The following LGSN variants were observed in gnomAD, a reference collection of about 807,000 sequenced individuals.
LGSN encodes lengsin, lens protein with glutamine synthetase domain.
LGSN carries 21 observed loss-of-function variants against 19.5 expected under a neutral mutation model. The observed-to-expected ratio is 1.07, with a 90% CI of 0.76 to 1.55. The LOEUF (loss-of-function observed/expected upper bound fraction) is 1.55. LGSN is among the 40% of genes most tolerant of loss of function. The pLI is 0.00. For missense variants in LGSN, 673 were observed against 608.5 expected, an observed-to-expected ratio of 1.11 and a Z score of -1.12; for synonymous variants, 257 against 215.6, an observed-to-expected ratio of 1.19 and a Z score of -1.68.
chr6:63,461,787 T>C, the LGSN span, among the ~76,000 whole-genome samples: 2 of 152,364 alleles, frequency 1.3e-5, no homozygotes, highest in East Asian at 3.9e-4. Context: ...AATGTGTTGC[T>C]TCCTAAACAT....
intron 1 of LGSN, among the ~76,000 whole-genome samples, chr6:63,307,061 C>T (rs1261363678): frequency 1.3e-5 from 2 of 152,098 alleles, no homozygotes; most frequent in Non-Finnish European, 2.9e-5. Flanking sequence ...TTTTCCCCAA[C>T]AGTGGTATCT....
chr6:63,424,669 T>C, the LGSN span, among the ~76,000 whole-genome samples: 2 of 152,282 alleles, frequency 1.3e-5, no homozygotes, highest in South Asian at 4.1e-4. Flanking sequence ...ACACTTGTAA[T>C]TCCAGAACTT....
chr6:63,407,511 G>A, the LGSN span, among the ~76,000 whole-genome samples: 2,598 of 152,194 alleles, frequency 0.017, 76 homozygotes, highest in African/African-American at 0.059. Context: ...AATAAATTCG[G>A]TATTGATGGG....
At chr6:63,374,626 A>C in the LGSN span, among the ~76,000 whole-genome samples, 1 of 152,234 alleles carries the variant, frequency 6.6e-6, no homozygotes, top group East Asian at 1.9e-4. Context: ...ACTGTAACAA[A>C]TTAACACAAA....
chr6:63,498,803 C>T, the LGSN span, among the ~76,000 whole-genome samples: 1 of 152,124 alleles, frequency 6.6e-6, no homozygotes, highest in African/African-American at 2.4e-5. Context: ...GGAAACTCTT[C>T]CCAACAATGA....
the LGSN span, chr6:63,573,547 G>C: frequency 2.0e-5 from 3 of 152,272 alleles, no homozygotes; most frequent in Non-Finnish European, 4.4e-5. Flanking sequence ...CGCGTGCGCG[G>C]GGCGGCGGCC....
chr6:63,512,937 C>A, the LGSN span, among the ~76,000 whole-genome samples: 6 of 152,152 alleles, frequency 3.9e-5, no homozygotes, highest in African/African-American at 1.4e-4. Flanking sequence ...AAGCAGAGAA[C>A]AAGACAGATA....
At chr6:63,317,798 C>G (rs146781113) in intron 1 of LGSN, among the ~76,000 whole-genome samples, 86 of 152,268 alleles carry the variant, frequency 5.6e-4, no homozygotes, top group African/African-American at 2.0e-3. Context: ...GACTTCACCC[C>G]AGATGGCATT....
the LGSN span, among the ~76,000 whole-genome samples, chr6:63,548,392 G>A: frequency 6.6e-6 from 1 of 152,276 alleles, no homozygotes; most frequent in Non-Finnish European, 1.5e-5. Context: ...GCTTAGAACG[G>A]CACTAGGCAA....
the LGSN span, among the ~76,000 whole-genome samples, chr6:63,410,335 C>T: frequency 2.6e-5 from 4 of 152,038 alleles, no homozygotes; most frequent in African/African-American, 9.7e-5. Flanking sequence ...TGTAGACATT[C>T]ATTTAATCAA....
chr6:63,491,748 T>C, the LGSN span, among the ~76,000 whole-genome samples: 6 of 152,286 alleles, frequency 3.9e-5, no homozygotes, highest in Non-Finnish European at 8.8e-5. Context: ...TTCACATATG[T>C]GGCCGGGCGC....
chr6:63,360,368 T>C, the LGSN span, among the ~76,000 whole-genome samples: 2 of 152,236 alleles, frequency 1.3e-5, no homozygotes, highest in Non-Finnish European at 2.9e-5. Context: ...TTCTTTTTAT[T>C]CTTTTTTCTC....
At chr6:63,498,703 A>T in the LGSN span, among the ~76,000 whole-genome samples, 2 of 152,136 alleles carry the variant, frequency 1.3e-5, no homozygotes, top group Non-Finnish European at 2.9e-5. Flanking sequence ...TCCCTGTTAC[A>T]TTGTTCTGTC....
chr6:63,321,567 T>C (rs76762162), upstream of LGSN, among the ~76,000 whole-genome samples: 19 of 152,316 alleles, frequency 1.2e-4, no homozygotes, highest in East Asian at 3.1e-3. Context: ...CCATGATTTT[T>C]TTATAATATC....
the LGSN span, among the ~76,000 whole-genome samples, chr6:63,434,812 T>G: frequency 6.6e-6 from 1 of 152,090 alleles, no homozygotes; most frequent in South Asian, 2.1e-4. Context: ...TGGGAAAGTT[T>G]ATAGAAGTCA....
the LGSN span, among the ~76,000 whole-genome samples, chr6:63,388,648 A>G: frequency 6.6e-6 from 1 of 152,204 alleles, no homozygotes; most frequent in African/African-American, 2.4e-5. Flanking sequence ...AGGCTCCAGA[A>G]CTGTGAAGAA....
rs6909675 is a variant in LGSN at position 63,287,580 on chromosome 6, C to T, written c.164-1827G>A. 3.0e-3 allele frequency among the ~76,000 whole-genome samples: 454 copies of T among 152,082 alleles called. 3 individuals carry two copies. Among genetic ancestry groups the T allele is most frequent in the African/African-American group, 0.01 (423 of 41,468 alleles). On this transcript the variant is annotated intron_variant, in intron 2 of 3. Coordinates refer to ENST00000370657, the MANE Select transcript of LGSN (RefSeq NM_016571.3). ...AAAATTTGCTGGGTGTGGTGTCATGCGCCTGTAGTCCCAGCTACTAAGGAG... is the reference window on the plus strand; with the variant it reads ...AAAATTTGCTGGGTGTGGTGTCATGTGCCTGTAGTCCCAGCTACTAAGGAG...
chr6:63,358,512 C>T, the LGSN span, among the ~76,000 whole-genome samples: 4 of 152,190 alleles, frequency 2.6e-5, no homozygotes, highest in African/African-American at 9.6e-5. Context: ...TGTCATTGAG[C>T]AGTGGTTTGT....
the LGSN span, among the ~76,000 whole-genome samples, chr6:63,469,397 GA>G: frequency 6.6e-6 from 1 of 152,188 alleles, no homozygotes; most frequent in Non-Finnish European, 1.5e-5. Context: ...TCAGATATTG[GA>G]AGGCAATGCT....
Sources: allele counts gnomAD v4.1 joint callset (sites outside exome capture counted in the v4.1 genomes callset), GRCh38; gene constraint gnomAD v4.1.1; transcripts MANE v1.5; gene names NCBI Gene and HGNC (gene_info 2026-07-23, HGNC 2026-07-21).